The following FBXO4 variants were observed in gnomAD, a reference collection of about 807,000 sequenced individuals.
FBXO4 encodes F-box protein 4.
Under a neutral mutation model 43.7 loss-of-function variants are expected in FBXO4, and 36 were observed. That is an observed-to-expected ratio of 0.82 (90% CI 0.63 to 1.09). The LOEUF (loss-of-function observed/expected upper bound fraction) is 1.09. FBXO4 is among the 50% of genes least tolerant of loss of function. The probability of loss-of-function intolerance (pLI) is 0.00; values close to 1 mark genes in which losing one functional copy is unlikely to be tolerated. For synonymous variants in FBXO4, 180 were observed against 165.6 expected, an observed-to-expected ratio of 1.09 and a Z score of -0.67; for missense variants, 435 against 474.1, an observed-to-expected ratio of 0.92 and a Z score of 0.77.
At chr5:42,002,922 T>C in the FBXO4 span, among the ~76,000 whole-genome samples, 2 of 152,236 alleles carry the variant, frequency 1.3e-5, no homozygotes, top group Non-Finnish European at 2.9e-5. Context: ...CTTTTGTTTA[T>C]ATTTTGCATT....
chr5:41,997,422 T>C, the FBXO4 span, among the ~76,000 whole-genome samples: 1 of 152,194 alleles, frequency 6.6e-6, no homozygotes, highest in Non-Finnish European at 1.5e-5. Flanking sequence ...TGAGTTACTA[T>C]TTTTCTAGGT....
At chr5:41,955,644 G>A in the FBXO4 span, among the ~76,000 whole-genome samples, 12,105 of 152,158 alleles carry the variant, frequency 0.08, 695 homozygotes, top group African/African-American at 0.16. Context: ...TTCATAGGGC[G>A]GAGTAGACAG....
the FBXO4 span, chr5:41,967,199 C>T: frequency 6.3e-6 from 3 of 473,076 alleles, no homozygotes; most frequent in Admixed American, 2.4e-5. Context: ...AGCCTCAGCA[C>T]TTTTTTTTTG....
chr5:41,967,939 T>C, the FBXO4 span: 7 of 520,648 alleles, frequency 1.3e-5, no homozygotes, highest in African/African-American at 1.2e-4. Flanking sequence ...GTTGAGGATA[T>C]GGCAGAGACT....
At chr5:42,030,769 C>T in the FBXO4 span, among the ~76,000 whole-genome samples, 4 of 152,054 alleles carry the variant, frequency 2.6e-5, no homozygotes, top group Non-Finnish European at 1.5e-5. Context: ...AAGAAAAAAA[C>T]AAACAACCCC....
At chr5:42,016,879 C>CT in the FBXO4 span, among the ~76,000 whole-genome samples, 1 of 151,950 alleles carries the variant, frequency 6.6e-6, no homozygotes, top group African/African-American at 2.4e-5. Flanking sequence ...TTTAACCTAA[C>CT]TTTTTTTGTT....
the FBXO4 span, among the ~76,000 whole-genome samples, chr5:41,970,296 A>G: frequency 1.3e-5 from 2 of 152,090 alleles, no homozygotes; most frequent in African/African-American, 4.8e-5. Flanking sequence ...TACCTTGGCT[A>G]GATAATGGCA....
the FBXO4 span, among the ~76,000 whole-genome samples, chr5:41,981,717 T>C: frequency 6.6e-6 from 1 of 151,000 alleles, no homozygotes. Flanking sequence ...TTCTTTTTTT[T>C]GGTTTTTGGT....
At chr5:41,994,828 C>A in the FBXO4 span, among the ~76,000 whole-genome samples, 1 of 152,056 alleles carries the variant, frequency 6.6e-6, no homozygotes, top group African/African-American at 2.4e-5. Flanking sequence ...ACCTCTAGGC[C>A]GTCAGAATGT....
the FBXO4 span, among the ~76,000 whole-genome samples, chr5:42,028,331 G>A: frequency 6.6e-6 from 1 of 151,886 alleles, no homozygotes; most frequent in African/African-American, 2.4e-5. Flanking sequence ...TCTGAAAGAA[G>A]TATAGCAACT....
downstream of FBXO4, among the ~76,000 whole-genome samples, chr5:41,941,902 A>C (rs554881375): frequency 2.0e-5 from 3 of 152,292 alleles, no homozygotes; most frequent in Admixed American, 2.0e-4. Flanking sequence ...CTCATAAGAT[A>C]CTAAAGCCAA....
chr5:41,939,661 C>CT, intron 6 of FBXO4, 45 bp downstream of exon 6: 1 of 1,428,652 alleles, frequency 7.0e-7, no homozygotes, highest in Non-Finnish European at 9.5e-7. Flanking sequence ...ATTTTGCACT[C>CT]TATTTTCTAT....
chr5:41,981,474 A>G, the FBXO4 span, among the ~76,000 whole-genome samples: 1 of 150,264 alleles, frequency 6.7e-6, no homozygotes, highest in Non-Finnish European at 1.5e-5. Flanking sequence ...TTTTCTTTTT[A>G]TTGCTAATAT....
At chr5:41,945,492 AG>A (rs146096850), downstream of FBXO4, among the ~76,000 whole-genome samples, 530 of 152,336 alleles carry the variant, frequency 3.5e-3, 2 homozygotes, top group African/African-American at 0.012. Flanking sequence ...AATTGCATGC[AG>A]GGTTGGGTAA....
At chr5:41,977,658 A>G in the FBXO4 span, among the ~76,000 whole-genome samples, 1 of 152,228 alleles carries the variant, frequency 6.6e-6, no homozygotes, top group East Asian at 1.9e-4. Flanking sequence ...TATTTCTCAA[A>G]AAACTCCTGA....
chr5:41,985,995 G>T, the FBXO4 span, among the ~76,000 whole-genome samples: 1 of 152,142 alleles, frequency 6.6e-6, no homozygotes, highest in South Asian at 2.1e-4. Flanking sequence ...TAAAATTCCC[G>T]ACTCTTGTCT....
chr5:42,022,333 C>T, the FBXO4 span, among the ~76,000 whole-genome samples: 1 of 152,098 alleles, frequency 6.6e-6, no homozygotes, highest in South Asian at 2.1e-4. Context: ...AAAGCAAATA[C>T]CCTAAATGAA....
chr5:41,939,119 T>C (rs1751929930), intron 5 of FBXO4, among the ~76,000 whole-genome samples: 1 of 152,218 alleles, frequency 6.6e-6, no homozygotes, highest in Non-Finnish European at 1.5e-5. Flanking sequence ...AAAATGCAGA[T>C]GGTCCAAACA....
At chr5:41,954,191 T>C in the FBXO4 span, among the ~76,000 whole-genome samples, 1 of 152,118 alleles carries the variant, frequency 6.6e-6, no homozygotes, top group African/African-American at 2.4e-5. Flanking sequence ...AATGCCTAAA[T>C]TTACCCAAAT....
Sources: allele counts gnomAD v4.1 joint callset (sites outside exome capture counted in the v4.1 genomes callset), GRCh38; gene constraint gnomAD v4.1.1; transcripts MANE v1.5; gene names NCBI Gene and HGNC (gene_info 2026-07-23, HGNC 2026-07-21).